Variants in CELF4 observed in about 807,000 individuals in gnomAD.
CELF4 encodes the protein CUG-BP- and ETR-3-like factor 4.
In CELF4, 18 loss-of-function variants were observed where a neutral mutation model predicts 59.9. The observed-to-expected ratio is 0.30, with a 90% confidence interval of 0.21 to 0.45. The LOEUF (loss-of-function observed/expected upper bound fraction) is 0.45. Among genes scored for constraint, CELF4 ranks in the 20% least tolerant of loss-of-function variants. The pLI, the probability that CELF4 is intolerant of heterozygous loss-of-function variation, is 1.00. For missense variants in CELF4, 456 were observed against 689.0 expected, an observed-to-expected ratio of 0.66 and a Z score of 3.79; for synonymous variants, 261 against 267.1, an observed-to-expected ratio of 0.98 and a Z score of 0.22.
chr18:37,345,984 G>A (rs2098242751), intron 2 of CELF4, among the ~76,000 whole-genome samples: 1 of 152,150 alleles, frequency 6.6e-6, no homozygotes, highest in South Asian at 2.1e-4. Flanking sequence ...CAGCTGGGCA[G>A]GTTACATATA....
At chr18:37,293,245 T>A (rs2095449320) in intron 3 of CELF4, among the ~76,000 whole-genome samples, 1 of 152,242 alleles carries the variant, frequency 6.6e-6, no homozygotes, top group African/African-American at 2.4e-5. Flanking sequence ...TTCTGGAGGC[T>A]GAAAGTCAGA....
chr18:37,260,107 G>A (rs2073354923), intron 10 of CELF4, among the ~76,000 whole-genome samples: 1 of 152,178 alleles, frequency 6.6e-6, no homozygotes, highest in Admixed American at 6.5e-5. Flanking sequence ...GAGGAAGTGA[G>A]GCCCAGAGAG....
chr18:37,263,547 C>T (rs1569212382), intron 10 of CELF4, among the ~76,000 whole-genome samples: 2 of 151,996 alleles, frequency 1.3e-5, no homozygotes, highest in Admixed American at 1.3e-4. Flanking sequence ...AGTGTCCTGC[C>T]CCCTCAAGCT....
intron 1 of CELF4, among the ~76,000 whole-genome samples, chr18:37,515,210 C>T (rs571258252): frequency 6.6e-6 from 1 of 152,260 alleles, no homozygotes; most frequent in Admixed American, 6.5e-5. Context: ...CCTTAAGGAG[C>T]CTGGAGGAGG....
intron 1 of CELF4, among the ~76,000 whole-genome samples, chr18:37,514,309 A>C (rs928043368): frequency 2.0e-5 from 3 of 152,126 alleles, no homozygotes; most frequent in Admixed American, 1.3e-4. Context: ...GGGCATTACA[A>C]TGGGAACCAA....
intron 3 of CELF4, among the ~76,000 whole-genome samples, chr18:37,285,406 T>C (rs943014816): frequency 6.6e-6 from 1 of 152,254 alleles, no homozygotes; most frequent in Admixed American, 6.5e-5. Flanking sequence ...AGCCCGTCCT[T>C]GGCCCCTGGG....
intron 2 of CELF4, among the ~76,000 whole-genome samples, chr18:37,420,874 C>G (rs1347878282): frequency 6.6e-6 from 1 of 152,208 alleles, no homozygotes; most frequent in East Asian, 1.9e-4. Flanking sequence ...TACCTGGCAG[C>G]CTTGAGGGAC....
chr18:37,501,899 C>T (rs1280571897), intron 1 of CELF4, among the ~76,000 whole-genome samples: 1 of 152,224 alleles, frequency 6.6e-6, no homozygotes, highest in Non-Finnish European at 1.5e-5. Flanking sequence ...CTTTCTCTCT[C>T]CATTTTCCCC....
intron 1 of CELF4, among the ~76,000 whole-genome samples, chr18:37,550,898 C>T (rs1341556114): frequency 2.6e-5 from 4 of 152,228 alleles, no homozygotes; most frequent in Non-Finnish European, 5.9e-5. Flanking sequence ...GAGATGGTAA[C>T]GCATTAATGT....
At chr18:37,334,052 A>G (rs2097670615) in intron 2 of CELF4, among the ~76,000 whole-genome samples, 1 of 152,076 alleles carries the variant, frequency 6.6e-6, no homozygotes, top group South Asian at 2.1e-4. Flanking sequence ...CTCTCCTGAA[A>G]GTGCGTTCTT....
chr18:37,562,577 G>A (rs1401622048), intron 1 of CELF4, among the ~76,000 whole-genome samples: 1 of 152,044 alleles, frequency 6.6e-6, no homozygotes, highest in African/African-American at 2.4e-5. Context: ...TTTAGAGATG[G>A]GGAAATCTAG....
At chr18:37,303,455 AT>A (rs1213593980) in intron 3 of CELF4, among the ~76,000 whole-genome samples, 1 of 152,192 alleles carries the variant, frequency 6.6e-6, no homozygotes, top group African/African-American at 2.4e-5. Flanking sequence ...TTTAAAGGTC[AT>A]TTTCAGCAGT....
chr18:37,547,623 A>G (rs1399199065), intron 1 of CELF4, among the ~76,000 whole-genome samples: 2 of 152,218 alleles, frequency 1.3e-5, no homozygotes, highest in Non-Finnish European at 2.9e-5. Flanking sequence ...GAGTGCTCTC[A>G]GCAAATGCCT....
At chr18:37,426,936 C>A (rs568238389) in intron 2 of CELF4, among the ~76,000 whole-genome samples, 1 of 145,206 alleles carries the variant, frequency 6.9e-6, no homozygotes, top group African/African-American at 2.6e-5. Flanking sequence ...ACTTTAATCC[C>A]AATCACTCCA....
intron 3 of CELF4, among the ~76,000 whole-genome samples, chr18:37,297,536 T>C (rs906137441): frequency 1.7e-4 from 26 of 152,340 alleles, no homozygotes; most frequent in Middle Eastern, 3.4e-3. Flanking sequence ...TCATCCTTTC[T>C]AGGTCTATTT....
intron 2 of CELF4, among the ~76,000 whole-genome samples, chr18:37,470,870 G>GAC (rs2099819409): frequency 3.2e-5 from 4 of 124,946 alleles, no homozygotes; most frequent in Non-Finnish European, 5.0e-5. Flanking sequence ...GTGTGTGTGT[G>GAC]TGTGTGTGTG....
intron 2 of CELF4, among the ~76,000 whole-genome samples, chr18:37,389,854 C>T (rs562908299): frequency 6.6e-6 from 1 of 152,358 alleles, no homozygotes; most frequent in Admixed American, 6.5e-5. Flanking sequence ...ACCCTGGTCA[C>T]AAACACACAC....
At chr18:37,467,104 G>A (rs1200182853) in intron 2 of CELF4, among the ~76,000 whole-genome samples, 2 of 152,282 alleles carry the variant, frequency 1.3e-5, no homozygotes, top group South Asian at 2.1e-4. Context: ...ACCCCCACCT[G>A]ATCCCATCCC....
intron 1 of CELF4, among the ~76,000 whole-genome samples, chr18:37,496,494 A>G (rs918235823): frequency 6.6e-6 from 1 of 152,202 alleles, no homozygotes; most frequent in Non-Finnish European, 1.5e-5. Context: ...AACAGGCTCT[A>G]ATTCACTTAA....
Sources: gnomAD v4.1 joint callset for allele counts (sites outside exome capture counted in the v4.1 genomes callset) on GRCh38, gnomAD v4.1.1 for gene constraint, MANE v1.5 for transcripts, NCBI Gene and HGNC (gene_info 2026-07-23, HGNC 2026-07-21) for gene names.